Variants in GPR89B observed in about 807,000 individuals in gnomAD.
GPR89B encodes G protein-coupled receptor 89B.
Under a neutral mutation model 52.4 loss-of-function variants are expected in GPR89B, and 25 were observed. That is an observed-to-expected ratio of 0.48 (90% CI 0.35 to 0.67). The LOEUF (loss-of-function observed/expected upper bound fraction) is 0.67. Ranked by LOEUF, GPR89B falls within the 30% of genes least tolerant of loss-of-function variation. GPR89B has a pLI of 0.01. For missense variants in GPR89B, 146 were observed against 450.2 expected (o/e 0.32, Z 6.11); for synonymous variants, 52 against 151.2 (o/e 0.34, Z 4.81).
chr1:147,994,867 C>G (rs1378378762), downstream of GPR89B, among the ~76,000 whole-genome samples: 1 of 151,800 alleles, frequency 6.6e-6, no homozygotes, highest in Non-Finnish European at 1.5e-5. Context: ...GAAAGAAGAA[C>G]AACATTGAAT....
chr1:147,979,572 T>C (rs2149086618), intron 10 of GPR89B, among the ~76,000 whole-genome samples: 1 of 152,280 alleles, frequency 6.6e-6, no homozygotes, highest in African/African-American at 2.4e-5. Context: ...TCATAGTTTA[T>C]TGAGTATTGT....
intron 10 of GPR89B, among the ~76,000 whole-genome samples, chr1:147,982,183 C>T (rs1658305919): frequency 6.6e-6 from 1 of 151,730 alleles, no homozygotes; most frequent in Non-Finnish European, 1.5e-5. Flanking sequence ...CCTCAGTGTC[C>T]CAAGTAGCTC....
the GPR89B span, among the ~76,000 whole-genome samples, chr1:148,020,725 C>A: frequency 6.6e-6 from 1 of 151,982 alleles, no homozygotes; most frequent in East Asian, 1.9e-4. Flanking sequence ...CTCTGTCTGG[C>A]CCCCCAGATT....
At chr1:147,949,420 C>T (rs1374467892) in intron 5 of GPR89B, among the ~76,000 whole-genome samples, 7 of 82,190 alleles carry the variant, frequency 8.5e-5, no homozygotes, top group Non-Finnish European at 1.8e-4. Context: ...CCGGACGGGG[C>T]GGCTGGCCGG....
chr1:147,982,661 T>C (rs1455804159), intron 10 of GPR89B, among the ~76,000 whole-genome samples: 1 of 130,214 alleles, frequency 7.7e-6, no homozygotes, highest in African/African-American at 3.0e-5. Context: ...AACTTTAAAG[T>C]AGTTTTTTCC....
intron 5 of GPR89B, among the ~76,000 whole-genome samples, chr1:147,950,689 G>A (rs1469644870): frequency 6.6e-6 from 1 of 152,178 alleles, no homozygotes; most frequent in East Asian, 1.9e-4. Flanking sequence ...CCGGCACCTC[G>A]GGAGGCCGAG....
chr1:147,971,157 C>CT (rs1197016559), intron 10 of GPR89B, among the ~76,000 whole-genome samples: 25 of 144,484 alleles, frequency 1.7e-4, no homozygotes, highest in African/African-American at 2.8e-4. Context: ...GGAAGCATGT[C>CT]TTTTTTTTTT....
chr1:147,986,220 G>A lies in GPR89B; in HGVS notation c.931G>A (p.Asp311Asn). The A allele has an allele frequency of 6.2e-7, 1 of 1,611,256 alleles. No homozygotes were observed. The highest frequency in any genetic ancestry group is 8.5e-7 in the Non-Finnish European group (1 of 1,179,470). ...IFMATINIVF[D>N]RVGKTDPVTR... ...GCAGGCTACCATCAATATTGTTTTT[G>A]ATCGAGTTGGGAAAACGGATCCTGT... The change falls in exon 11 of 14, where the codon GAT becomes AAT. Residue 311 changes from aspartate to asparagine, a missense_variant. Physicochemically the swap from Asp to Asn is conservative, Grantham distance 23 (BLOSUM62 1). Coordinates refer to ENST00000314163, the MANE Select transcript of GPR89B (RefSeq NM_016334.5).
At chr1:148,023,290 G>A in the GPR89B span, among the ~76,000 whole-genome samples, 1 of 146,150 alleles carries the variant, frequency 6.8e-6, no homozygotes. Flanking sequence ...TTTTATGGGT[G>A]TGCAGTATTC....
At chr1:148,015,288 C>T in the GPR89B span, among the ~76,000 whole-genome samples, 1 of 90,104 alleles carries the variant, frequency 1.1e-5, no homozygotes, top group Non-Finnish European at 2.2e-5. Context: ...CGCTAGGATT[C>T]TAGGATCTCT....
the GPR89B span, among the ~76,000 whole-genome samples, chr1:148,019,664 T>C: frequency 6.6e-6 from 1 of 151,944 alleles, no homozygotes; most frequent in African/African-American, 2.4e-5. Flanking sequence ...TATACCACGC[T>C]CATTAGAAAC....
chr1:147,950,826 G>A (rs1409824206), intron 5 of GPR89B, among the ~76,000 whole-genome samples: 7 of 152,144 alleles, frequency 4.6e-5, no homozygotes, highest in South Asian at 2.1e-4. Context: ...GCAGGCACTC[G>A]GCAGGCTGAG....
At position 147,947,970 on chromosome 1, in the gene GPR89B, A is replaced by C. The variant is rs1655149065; in HGVS notation, c.415+3872A>C. 1.3e-5 allele frequency among the ~76,000 whole-genome samples: 2 copies of C among 152,232 alleles called. 1 individual carries two copies. Among genetic ancestry groups the C allele is most frequent in the South Asian group, 4.1e-4 (2 of 4,832 alleles). On this transcript the variant is annotated intron_variant, in intron 5 of 13. Transcript: ENST00000314163. Reference sequence around the variant, plus strand: ...ATTTATTGAGCATCCACTTTATATAAATTAAGCACTGGAAATAAACCACAA... The same window carrying C: ...ATTTATTGAGCATCCACTTTATATACATTAAGCACTGGAAATAAACCACAA...
chr1:147,964,473 TG>T (rs1656886410), intron 7 of GPR89B, among the ~76,000 whole-genome samples: 1 of 150,806 alleles, frequency 6.6e-6, no homozygotes, highest in Non-Finnish European at 1.5e-5. Flanking sequence ...GAGGCAATAG[TG>T]ATGATGATAG....
the GPR89B span, among the ~76,000 whole-genome samples, chr1:148,000,818 C>T: frequency 2.3e-5 from 3 of 132,466 alleles, no homozygotes; most frequent in African/African-American, 8.4e-5. Flanking sequence ...AACCTTAAAA[C>T]ATGCAGTAGT....
chr1:147,936,693 A>C lies in GPR89B; in HGVS notation c.102+7A>C. 6.2e-7 allele frequency: 1 copy of C among 1,604,550 alleles called. No homozygotes were observed. The highest frequency in any genetic ancestry group is 8.5e-7 in the Non-Finnish European group (1 of 1,173,832). Reference sequence around the variant, plus strand: ...ATTGTTTAAAGACTATGAGGTGAGAAGAAATCATTTTGTCATACTTACACT... The same window carrying C: ...ATTGTTTAAAGACTATGAGGTGAGACGAAATCATTTTGTCATACTTACACT... On this transcript the variant is annotated splice_region_variant and intron_variant, in intron 2 of 13. Coordinates refer to ENST00000314163, the MANE Select transcript of GPR89B (RefSeq NM_016334.5).
intron 3 of GPR89B, among the ~76,000 whole-genome samples, chr1:147,939,429 C>T (rs1553248529): frequency 6.6e-6 from 1 of 152,168 alleles, no homozygotes; most frequent in African/African-American, 2.4e-5. Context: ...TGTTTTTAGG[C>T]CAGCATTTAT....
At chr1:148,017,522 CAGG>C in the GPR89B span, among the ~76,000 whole-genome samples, 1 of 149,816 alleles carries the variant, frequency 6.7e-6, no homozygotes, top group African/African-American at 2.5e-5. Flanking sequence ...ATCACGAGGT[CAGG>C]AGATCGAGAC....
At position 147,939,494 on chromosome 1, in the gene GPR89B, C is replaced by T. The variant is rs141495309; in HGVS notation, c.206+677C>T. On this transcript the variant is annotated intron_variant, in intron 3 of 13. Coordinates refer to ENST00000314163, the MANE Select transcript of GPR89B (RefSeq NM_016334.5). The stretch of plus-strand genomic sequence containing the variant: ...ACTTTGTTGTGCTTTTTTATCACCA[C>T]CTGGAAAAATCTTTTAGGAGTAAAG... Among the ~76,000 whole-genome samples, 638 of 152,200 alleles carry T rather than the reference C, an allele frequency of 4.2e-3. 8 individuals are homozygous for T. Among genetic ancestry groups the T allele is most frequent in the African/African-American group, 0.015 (611 of 41,522 alleles).
Sources: allele counts gnomAD v4.1 joint callset (sites outside exome capture counted in the v4.1 genomes callset), GRCh38; gene constraint gnomAD v4.1.1; transcripts MANE v1.5; gene names NCBI Gene and HGNC (gene_info 2026-07-23, HGNC 2026-07-21).